Variants in OPN3 observed in about 807,000 individuals in gnomAD.
OPN3 encodes opsin-3.
Under a neutral mutation model 33.8 loss-of-function variants are expected in OPN3, and 29 were observed. That is an observed-to-expected ratio of 0.86 (90% CI 0.64 to 1.17). The LOEUF is 1.17. OPN3 is among the 50% of genes most tolerant of loss of function. The pLI, the probability that OPN3 is intolerant of heterozygous loss-of-function variation, is 0.00. For missense variants in OPN3, 437 were observed against 514.1 expected (o/e 0.85, Z 1.45); for synonymous variants, 216 against 216.1 (o/e 1.00, Z 0.00).
At position 241,594,572 on chromosome 1, in the gene OPN3, T is replaced by C. The variant is rs1663439459; in HGVS notation, c.1065A>G (p.Lys355=). The C allele has an allele frequency of 3.7e-6, 6 of 1,614,034 alleles. No homozygotes were observed. The highest frequency in any genetic ancestry group is 1.7e-5 in the Admixed American group (1 of 60,002). Reference sequence around the variant, plus strand: ...CTTTTTTCTTTGGCCTGTCCCCATCTTTCTGTGACATCACAATGGGTCTGA... The same window carrying C: ...CTTTTTTCTTTGGCCTGTCCCCATCCTTCTGTGACATCACAATGGGTCTGA... The part of the protein sequence containing the change: ...MQIRPIVMSQ[K]DGDRPKKKVT... Residue 355 remains lysine (K), a synonymous_variant, in exon 4 of 4, where the codon AAA becomes AAG. Transcript: ENST00000366554.
At chr1:241,634,098 T>C (rs1428221914) in intron 1 of OPN3, 2 of 1,610,704 alleles carry the variant, frequency 1.2e-6, no homozygotes, top group Non-Finnish European at 1.7e-6. Context: ...GAGGAATCTC[T>C]CATATTAAAA....
chr1:241,635,803 GA>G (rs1664876275), intron 1 of OPN3: 1 of 1,565,168 alleles, frequency 6.4e-7, no homozygotes, highest in East Asian at 2.2e-5. Flanking sequence ...AACTGCTGAT[GA>G]AAGAAATGAG....
chr1:241,607,559 GGAAGAAAGAAAGAAAGA>G (rs576557617), intron 1 of OPN3, among the ~76,000 whole-genome samples: 46 of 140,184 alleles, frequency 3.3e-4, no homozygotes, highest in East Asian at 2.0e-3. Context: ...AAGGAAGGAA[GGAAGAAAGAAAGAAAGA>G]AAAGAAAGAA....
rs545913497 is a variant in OPN3, at chr1:241,611,379, A to G, written c.374-6800T>C. ...GAGCACATAATCCAGAGAAGGAGGT[A>G]GAAGGAGAAACTCTGCCTATAGTGG... On this transcript the variant is annotated intron_variant, in intron 1 of 3. Transcript: ENST00000366554. 4.5e-4 allele frequency among the ~76,000 whole-genome samples: 69 copies of G among 152,142 alleles called. No individual in the cohort carries two copies. In the South Asian group the frequency reaches 0.013, roughly 29 times the overall value.
chr1:241,596,936 C>T (rs931014349), intron 3 of OPN3, among the ~76,000 whole-genome samples: 6 of 152,176 alleles, frequency 3.9e-5, no homozygotes, highest in Admixed American at 2.0e-4. Context: ...GAGATCCTTT[C>T]ATCTCAGGCC....
chr1:241,619,807 G>T (rs1664228422), intron 1 of OPN3, among the ~76,000 whole-genome samples: 1 of 152,320 alleles, frequency 6.6e-6, no homozygotes, highest in South Asian at 2.1e-4. Flanking sequence ...TCAGATAAAA[G>T]TGTTCCAGGA....
At position 241,594,234 on chromosome 1, in the gene OPN3, C is replaced by A. The variant is rs1057200948; in HGVS notation, c.*194G>T. ...TGGTTTTTTCATTATGTAAAGCACCCGTTGAATTAAAAGAATTTGTTTTTG... is the reference window on the plus strand; with the variant it reads ...TGGTTTTTTCATTATGTAAAGCACCAGTTGAATTAAAAGAATTTGTTTTTG... On this transcript the variant is annotated 3_prime_UTR_variant, in exon 4 of 4. Transcript: ENST00000366554. The A allele has an allele frequency of 3.7e-6, 2 of 542,384 alleles. No homozygotes were observed. The highest frequency in any genetic ancestry group is 3.8e-5 in the African/African-American group (2 of 52,204). 33.6% of individuals were successfully genotyped at this position (542,384 alleles called of 1,614,324 possible).
At chr1:241,631,389 T>C (rs1664627151) in intron 1 of OPN3, 1 of 152,098 alleles carries the variant, frequency 6.6e-6, no homozygotes. Flanking sequence ...TCACCTTCAT[T>C]TTATTTATCA....
intron 1 of OPN3, among the ~76,000 whole-genome samples, chr1:241,622,315 T>C (rs1279500077): frequency 6.6e-6 from 1 of 152,234 alleles, no homozygotes; most frequent in Admixed American, 6.5e-5. Flanking sequence ...TATGCATTCA[T>C]GATTATCTCC....
intron 1 of OPN3, among the ~76,000 whole-genome samples, chr1:241,611,635 A>C (rs766794579): frequency 1.3e-5 from 2 of 152,192 alleles, no homozygotes; most frequent in African/African-American, 2.4e-5. Flanking sequence ...ATAATTCAAA[A>C]TGGTAGGACG....
intron 1 of OPN3, among the ~76,000 whole-genome samples, chr1:241,613,011 A>G (rs12128010): frequency 0.02 from 3,117 of 152,300 alleles, 50 homozygotes; most frequent in Non-Finnish European, 0.033. Flanking sequence ...TGTTGCTCCT[A>G]TAATATCTAG....
At chr1:241,596,447 G>A (rs1663513992) in intron 3 of OPN3, among the ~76,000 whole-genome samples, 1 of 152,188 alleles carries the variant, frequency 6.6e-6, no homozygotes, top group Non-Finnish European at 1.5e-5. Flanking sequence ...ACAAAACAGG[G>A]AAAGAAACAC....
At chr1:241,631,399 A>G (rs1359192643) in intron 1 of OPN3, 1 of 151,912 alleles carries the variant, frequency 6.6e-6, no homozygotes, top group East Asian at 1.9e-4. Flanking sequence ...TTTATTTATC[A>G]TCTTATGTAT....
intron 1 of OPN3, chr1:241,634,039 G>T (rs1664764181): frequency 6.2e-7 from 1 of 1,612,920 alleles, no homozygotes; most frequent in African/African-American, 1.3e-5. Flanking sequence ...GCCCAGAGCA[G>T]ACATAAACAT....
At chr1:241,639,757 C>CG (rs1161361982) in intron 1 of OPN3, 125 bp downstream of exon 1, 4 of 858,554 alleles carry the variant, frequency 4.7e-6, no homozygotes, top group Non-Finnish European at 6.0e-6. Context: ...CGGTGTAGGG[C>CG]GGGGGGCGCG....
intron 1 of OPN3, among the ~76,000 whole-genome samples, chr1:241,609,419 G>A (rs1663926149): frequency 1.3e-5 from 2 of 152,144 alleles, no homozygotes; most frequent in African/African-American, 4.8e-5. Flanking sequence ...GCCACTAAAG[G>A]GTGACTTCTA....
intron 2 of OPN3, among the ~76,000 whole-genome samples, chr1:241,600,095 C>T (rs950412933): frequency 6.6e-6 from 1 of 152,086 alleles, no homozygotes; most frequent in African/African-American, 2.4e-5. Flanking sequence ...AGTCTTTATC[C>T]CCTCTCGCCA....
At position 241,594,364 on chromosome 1, in the gene OPN3, T is replaced by C; in HGVS notation, c.*64A>G. 6.5e-7 allele frequency: 1 copy of C among 1,541,226 alleles called. No individual in the cohort carries two copies. The highest frequency in any genetic ancestry group is 8.8e-7 in the Non-Finnish European group (1 of 1,132,996). ...TAGAACGGGTATTCCAGACACTTCT[T>C]ATGATGAAAGTCCAAAAGTGGCATC... On this transcript the variant is annotated 3_prime_UTR_variant, in exon 4 of 4. Coordinates refer to ENST00000366554, the MANE Select transcript of OPN3 (RefSeq NM_014322.3).
At chr1:241,621,127 G>T (rs1664261297) in intron 1 of OPN3, among the ~76,000 whole-genome samples, 1 of 152,078 alleles carries the variant, frequency 6.6e-6, no homozygotes, top group South Asian at 2.1e-4. Flanking sequence ...TAATTCTTTA[G>T]ATAAAAACAA....
Sources: allele counts gnomAD v4.1 joint callset (sites outside exome capture counted in the v4.1 genomes callset), GRCh38; gene constraint gnomAD v4.1.1; transcripts MANE v1.5; gene names NCBI Gene and HGNC (gene_info 2026-07-23, HGNC 2026-07-21).